The following NEDD9 variants were observed in gnomAD, a reference collection of about 807,000 sequenced individuals.
The protein encoded by NEDD9 is neural precursor cell expressed, developmentally down-regulated 9.
NEDD9 carries 26 observed loss-of-function variants against 76.6 expected under a neutral mutation model. The observed-to-expected ratio is 0.34, with a 90% CI of 0.25 to 0.47. NEDD9 has a LOEUF of 0.47. NEDD9 is among the 20% of genes least tolerant of loss of function. The probability of loss-of-function intolerance (pLI) is 1.00; values close to 1 mark genes in which losing one functional copy is unlikely to be tolerated. For synonymous variants in NEDD9, 392 were observed against 414.2 expected, an observed-to-expected ratio of 0.95 and a Z score of 0.65; for missense variants, 937 against 1,058.5, an observed-to-expected ratio of 0.89 and a Z score of 1.59.
chr6:11,380,709 T>C (rs1763046887), intron 1 of NEDD9, among the ~76,000 whole-genome samples: 1 of 152,196 alleles, frequency 6.6e-6, no homozygotes, highest in Non-Finnish European at 1.5e-5. Flanking sequence ...CTTATTTACG[T>C]GTAGAGGAAG....
rs943206008 is a variant in NEDD9, at chr6:11,241,090, G to C, written c.13-27363C>G. Among the ~76,000 whole-genome samples, 1 of 152,180 alleles carries C rather than the reference G, an allele frequency of 6.6e-6. No homozygotes were observed. Among genetic ancestry groups the C allele is most frequent in the Non-Finnish European group, 1.5e-5 (1 of 68,020 alleles). On this transcript the variant is annotated intron_variant, in intron 3 of 3. Coordinates refer to the NEDD9 transcript ENST00000397378. The surrounding 1 kb of genome is among the most constrained non-coding windows in gnomAD (Gnocchi z 4.0). ...CTGCTGATAGAAACTTCACACTGTG[G>C]ATTTTTACAAAGGTTGAAGTGATCT...
At chr6:11,260,397 G>A (rs1183412925) in intron 3 of NEDD9, among the ~76,000 whole-genome samples, 1 of 152,172 alleles carries the variant, frequency 6.6e-6, no homozygotes, top group Non-Finnish European at 1.5e-5. Flanking sequence ...TGTCACATTA[G>A]GGTGTGTGCC....
intron 1 of NEDD9, among the ~76,000 whole-genome samples, chr6:11,374,974 C>A (rs1762948277): frequency 6.6e-6 from 1 of 152,048 alleles, no homozygotes; most frequent in African/African-American, 2.4e-5. Flanking sequence ...CATTTAAGAC[C>A]CCTTCCCTCC....
intron 2 of NEDD9, among the ~76,000 whole-genome samples, chr6:11,307,997 C>T (rs1761241895): frequency 1.3e-5 from 2 of 152,174 alleles, no homozygotes; most frequent in African/African-American, 4.8e-5. Context: ...TTTCTAGACC[C>T]CGTGCCAAGG....
intron 1 of NEDD9, among the ~76,000 whole-genome samples, chr6:11,230,369 CTG>C: frequency 6.6e-6 from 1 of 152,308 alleles, no homozygotes. Flanking sequence ...CACTTTCTAG[CTG>C]TGTGGCATTA....
intron 3 of NEDD9, among the ~76,000 whole-genome samples, chr6:11,277,575 C>T (rs867266469): frequency 2.6e-5 from 4 of 152,122 alleles, no homozygotes; most frequent in African/African-American, 7.2e-5. Flanking sequence ...CAGAGAGCAG[C>T]GCGAACTAGT....
At chr6:11,312,873 T>C (rs970442413) in intron 2 of NEDD9, among the ~76,000 whole-genome samples, 3 of 152,094 alleles carry the variant, frequency 2.0e-5, no homozygotes, top group Non-Finnish European at 4.4e-5. Flanking sequence ...TGAAACATTC[T>C]ACAATAAAAT....
At position 11,185,069 on chromosome 6, in the gene NEDD9, C is replaced by T. The variant is rs954826654; in HGVS notation, c.*93G>A. 7 of 1,365,268 alleles carry T rather than the reference C, an allele frequency of 5.1e-6. 1 individual carries two copies. In the African/African-American group the frequency reaches 1.0e-4, roughly 20 times the overall value. The allele number at this position is 1,365,268 out of a possible 1,614,324, so 84.6% of individuals were successfully genotyped here. ...AATATTTCATTTTTATATAAAATAT[C>T]TACAAAAATAGATAACATTTACAAA... On this transcript the variant is annotated 3_prime_UTR_variant, in exon 7 of 7. Transcript: ENST00000379446.
chr6:11,333,342 T>A (rs911675235), intron 2 of NEDD9, among the ~76,000 whole-genome samples: 1 of 152,236 alleles, frequency 6.6e-6, no homozygotes, highest in African/African-American at 2.4e-5. Flanking sequence ...GAAACCAAAC[T>A]GAGCCTGAAA....
chr6:11,254,379 G>A lies in NEDD9; in HGVS notation c.13-40652C>T, dbSNP rs574023912. Among the ~76,000 whole-genome samples, 30 of 152,230 alleles carry A rather than the reference G, an allele frequency of 2.0e-4. No homozygotes were observed. The Middle Eastern group carries it at 0.014, about 69-fold the overall frequency. On this transcript the variant is annotated intron_variant, in intron 3 of 3. Transcript: ENST00000397378. ...CATGATCTGCCCACCTCAGCCTCCC[G>A]GGATTACAGGTGTGAGCCACCAAGC...
chr6:11,364,453 C>T (rs972004026), intron 1 of NEDD9, among the ~76,000 whole-genome samples: 5 of 152,038 alleles, frequency 3.3e-5, no homozygotes, highest in Admixed American at 3.3e-4. Flanking sequence ...GGAATTCCCC[C>T]CAAAGGTGTG....
chr6:11,185,511 A>G lies in NEDD9; in HGVS notation c.2156T>C (p.Phe719Ser). 6.2e-7 allele frequency: 1 copy of G among 1,614,256 alleles called. No individual in the cohort carries two copies. Among genetic ancestry groups the G allele is most frequent in the Non-Finnish European group, 8.5e-7 (1 of 1,180,046 alleles). Residue 719 changes from phenylalanine (F) to serine (S), a missense_variant, in exon 7 of 7, where the codon TTC becomes TCC. Coordinates refer to ENST00000379446, the MANE Select transcript of NEDD9 (RefSeq NM_006403.4). ...CFYYDQCETH[F>S]ISLLNAIDAL... ...GTCAATGGCGTTGAGAAGGGAAATGAAATGGGTCTCACATTGGTCATAGTA... is the reference window on the plus strand; with the variant it reads ...GTCAATGGCGTTGAGAAGGGAAATGGAATGGGTCTCACATTGGTCATAGTA...
At chr6:11,276,951 A>AAACAAACAAAC (rs1760430157) in intron 3 of NEDD9, among the ~76,000 whole-genome samples, 1 of 152,126 alleles carries the variant, frequency 6.6e-6, no homozygotes, top group Admixed American at 6.5e-5. Context: ...GGAAACAAAC[A>AAACAAACAAAC]AACAAACAAA....
chr6:11,237,496 G>T (rs1759628256), upstream of NEDD9, among the ~76,000 whole-genome samples: 1 of 152,150 alleles, frequency 6.6e-6, no homozygotes, highest in African/African-American at 2.4e-5. The surrounding 1 kb of genome is among the most constrained non-coding windows in gnomAD (Gnocchi z 4.9). Context: ...CACCTTTTCA[G>T]AACCAACTCA....
intron 1 of NEDD9, among the ~76,000 whole-genome samples, chr6:11,231,549 A>T (rs11966102): frequency 0.02 from 3,111 of 152,332 alleles, 118 homozygotes; most frequent in African/African-American, 0.071. Context: ...ATCCATCTTA[A>T]TAATAACACT....
Position 11,213,153 on chromosome 6 carries a change from C to T in NEDD9, c.459+128G>A. The T allele has an allele frequency of 2.3e-6, 2 of 856,158 alleles. No individual in the cohort carries two copies. Among genetic ancestry groups the T allele is most frequent in the Non-Finnish European group, 3.6e-6 (2 of 560,260 alleles). 53.0% of individuals were successfully genotyped at this position (856,158 alleles called of 1,614,324 possible). On this transcript the variant is annotated intron_variant, in intron 2 of 6. Coordinates refer to ENST00000379446, the MANE Select transcript of NEDD9 (RefSeq NM_006403.4). The surrounding 1 kb of genome is among the most constrained non-coding windows in gnomAD (Gnocchi z 5.4). The stretch of plus-strand genomic sequence containing the variant: ...AAATCATGCAAACATGATGCCTGAG[C>T]TAAGGTATTGGTTATATCTACTTCT...
intron 1 of NEDD9, among the ~76,000 whole-genome samples, chr6:11,344,871 C>CA (rs1227550637): frequency 1.3e-5 from 2 of 151,762 alleles, no homozygotes; most frequent in African/African-American, 2.4e-5. Context: ...AGTCAGTATT[C>CA]AAAAAAAAGT....
At chr6:11,320,184 G>C (rs1372407409) in intron 2 of NEDD9, among the ~76,000 whole-genome samples, 4 of 152,062 alleles carry the variant, frequency 2.6e-5, no homozygotes, top group Non-Finnish European at 4.4e-5. Flanking sequence ...AAGCTGAGTT[G>C]AACTGTATTT....
rs937334817 is a variant in NEDD9, at chr6:11,183,673, T to C, written c.*1489A>G. The C allele has an allele frequency of 6.6e-6, 1 of 152,196 alleles. No homozygotes were observed. Among genetic ancestry groups the C allele is most frequent in the Non-Finnish European group, 1.5e-5 (1 of 68,034 alleles). The allele number at this position is 152,196 out of a possible 1,614,324, so 9.4% of individuals were successfully genotyped here. A position where few individuals can be genotyped will look rare whatever the true frequency, so the allele number is the denominator to read the frequency against. ...TTTTTTTTTAATCACTCTGAGATCA[T>C]GCATTCTTGTTTTTTAAATCCTTTT... On this transcript the variant is annotated 3_prime_UTR_variant, in exon 7 of 7. Coordinates refer to ENST00000379446, the MANE Select transcript of NEDD9 (RefSeq NM_006403.4).
Sources: allele counts gnomAD v4.1 joint callset (sites outside exome capture counted in the v4.1 genomes callset), GRCh38; gene constraint gnomAD v4.1.1; non-coding constraint Gnocchi (gnomAD v3.1); transcripts MANE v1.5; gene names NCBI Gene and HGNC (gene_info 2026-07-23, HGNC 2026-07-21).